The following EGR2 variants were observed in gnomAD, a reference collection of about 807,000 sequenced individuals.
The protein encoded by EGR2 is early growth response 2, also known as E3 SUMO-protein ligase EGR2.
In EGR2, 2 loss-of-function variants were observed where a neutral mutation model predicts 21.2. The observed-to-expected ratio is 0.09, with a 90% CI of 0.04 to 0.30. The LOEUF is 0.30. EGR2 is among the 10% of genes least tolerant of loss of function. EGR2 has a pLI of 1.00. For synonymous variants in EGR2, 282 were observed against 258.2 expected, an observed-to-expected ratio of 1.09 and a Z score of -0.88; for missense variants, 458 against 630.2, an observed-to-expected ratio of 0.73 and a Z score of 2.93.
rs1244572043 is a variant in EGR2, at chr10:62,812,509, G to C, written c.*698C>G. On this transcript the variant is annotated 3_prime_UTR_variant, in exon 2 of 2. Coordinates refer to ENST00000242480, the MANE Select transcript of EGR2 (RefSeq NM_000399.5). The stretch of plus-strand genomic sequence containing the variant: ...TACATCAAAAATACACAAAATCTGA[G>C]TGGATATACACTGAAAAAATAGCCT... The C allele has an allele frequency of 6.5e-6, 1 of 152,794 alleles. No homozygotes were observed. Among genetic ancestry groups the C allele is most frequent in the Non-Finnish European group, 1.5e-5 (1 of 68,048 alleles). 9.5% of individuals were successfully genotyped at this position (152,794 alleles called of 1,614,324 possible).
Position 62,813,685 on chromosome 10 carries a change from C to G in EGR2, c.953G>C (p.Arg318Pro), listed in dbSNP as rs775751575. 8 of 1,613,404 alleles carry G rather than the reference C, an allele frequency of 5.0e-6. No individual in the cohort carries two copies. Among genetic ancestry groups the G allele is most frequent in the Non-Finnish European group, 6.8e-6 (8 of 1,180,012 alleles). ...AAYNPHHLPL[R>P]PILRPRKYPN... ...GTACTTGCGAGGCCTCAGAATGGGC[C>G]GCAGTGGCAGGTGGTGTGGGTTATA... Residue 318 changes from arginine to proline, a missense_variant, in exon 2 of 2, where the codon CGG becomes CCG. By Grantham distance (103) the Arg-to-Pro change is moderately radical. This residue lies in a region of EGR2 where 253 missense variants were observed against 315.5 expected (regional missense o/e 0.80). Coordinates refer to ENST00000242480, the MANE Select transcript of EGR2 (RefSeq NM_000399.5). This position sits in a 1 kb window ranked among gnomAD's most constrained non-coding sequence, Gnocchi z 5.7.
chr10:62,818,868 G>A (rs944562582), upstream of EGR2, among the ~76,000 whole-genome samples: 1 of 152,084 alleles, frequency 6.6e-6, no homozygotes, highest in Non-Finnish European at 1.5e-5. Context: ...TGCCAAACCC[G>A]CCGGCGGTCG....
At position 62,814,437 on chromosome 10, in the gene EGR2, C is replaced by G; in HGVS notation, c.201G>C (p.Glu67Asp). 1.5e-5 allele frequency: 24 copies of G among 1,614,134 alleles called. No homozygotes were observed. The highest frequency in any genetic ancestry group is 2.0e-5 in the Non-Finnish European group (24 of 1,180,014). The change falls in exon 2 of 2, where the codon GAG (glutamate) becomes GAC (aspartate). Residue 67 changes from glutamate (E) to aspartate (D), a missense_variant. By Grantham distance (45) the Glu-to-Asp change is conservative. Coordinates refer to ENST00000242480, the MANE Select transcript of EGR2 (RefSeq NM_000399.5). The surrounding 1 kb of genome is among the most constrained non-coding windows in gnomAD (Gnocchi z 4.8). The part of the protein sequence containing the change: ...DGMINIDMTG[E>D]KRSLDLPYPS... ...GATATGGGAGATCCAACGACCTCTTCTCTCCAGTCATGTCAATGTTGATCA... is the reference window on the plus strand; with the variant it reads ...GATATGGGAGATCCAACGACCTCTTGTCTCCAGTCATGTCAATGTTGATCA...
At position 62,813,597 on chromosome 10, in the gene EGR2, G is replaced by A. The variant is rs1182754559; in HGVS notation, c.1041C>T (p.Cys347=). 2 of 1,612,686 alleles carry A rather than the reference G, an allele frequency of 1.2e-6. No individual in the cohort carries two copies. The highest frequency in any genetic ancestry group is 4.5e-5 in the East Asian group (2 of 44,886). Residue 347 remains cysteine, a synonymous_variant, in exon 2 of 2, where the codon TGC becomes TGT. Coordinates refer to ENST00000242480, the MANE Select transcript of EGR2 (RefSeq NM_000399.5). The surrounding 1 kb of genome is among the most constrained non-coding windows in gnomAD (Gnocchi z 5.7). ...ERPYPCPAEG[C]DRRFSRSDEL... The stretch of plus-strand genomic sequence containing the variant: ...CGTCAGAGCGGGAGAACCGCCGGTC[G>A]CAGCCTTCTGCTGGGCACGGGTAGG...
chr10:62,817,340 C>G (rs973501277), upstream of EGR2, among the ~76,000 whole-genome samples: 2 of 152,124 alleles, frequency 1.3e-5, no homozygotes, highest in African/African-American at 4.8e-5. The surrounding 1 kb of genome is among the most constrained non-coding windows in gnomAD (Gnocchi z 4.4). Context: ...GCTACACACT[C>G]CCGCCCCCGC....
chr10:62,813,199 G>A lies in EGR2; in HGVS notation c.*8C>T, dbSNP rs1842154120. 3 of 1,558,322 alleles carry A rather than the reference G, an allele frequency of 1.9e-6. No individual in the cohort carries two copies. The South Asian group carries it at 3.7e-5, about 19-fold the overall frequency. On this transcript the variant is annotated 3_prime_UTR_variant, in exon 2 of 2. Transcript: ENST00000242480. This position sits in a 1 kb window ranked among gnomAD's most constrained non-coding sequence, Gnocchi z 5.7. The stretch of plus-strand genomic sequence containing the variant: ...TTTGGGAGCTGGTGTATCAGCCTGA[G>A]TCTCATCTCAAGGTGTCCGGGTCCG...
Position 62,813,280 on chromosome 10 carries a change from A to G in EGR2, c.1358T>C (p.Leu453Pro), listed in dbSNP as rs1842157936. The change falls in exon 2 of 2, where the codon CTG becomes CCG. Residue 453 changes from leucine to proline, a missense_variant. Around this residue, in one of 5 missense-constraint regions of EGR2, gnomAD observed 69 missense variants for 70.4 expected, o/e 0.98. Coordinates refer to ENST00000242480, the MANE Select transcript of EGR2 (RefSeq NM_000399.5). The surrounding 1 kb of genome is among the most constrained non-coding windows in gnomAD (Gnocchi z 5.7). The part of the protein sequence containing the change: ...CSGGVQPGGT[L>P]CSSNSSSLGG... ...AAGACTGCTGCTGTTACTGCTGCAC[A>G]GGGTACCCCCAGGCTGCACGCCCCC... 4 of 1,569,584 alleles carry G rather than the reference A, an allele frequency of 2.5e-6. No homozygotes were observed. The East Asian group carries it at 9.0e-5, about 35-fold the overall frequency.
At chr10:62,817,304 C>T (rs1308018104), upstream of EGR2, among the ~76,000 whole-genome samples, 1 of 152,168 alleles carries the variant, frequency 6.6e-6, no homozygotes, top group Non-Finnish European at 1.5e-5. This position sits in a 1 kb window ranked among gnomAD's most constrained non-coding sequence, Gnocchi z 4.4. Flanking sequence ...CACACATACA[C>T]ACACACTCAC....
rs1060504688 is a variant in EGR2 at position 62,814,131 on chromosome 10, C to A, written c.507G>T (p.Pro169=). The part of the protein sequence containing the change: ...PDLDHLYSPP[P]PPPPYSGCAG... ...CACAGCCAGAATAAGGAGGAGGAGGCGGTGGCGGAGAGTACAGGTGGTCCA... is the reference window on the plus strand; with the variant it reads ...CACAGCCAGAATAAGGAGGAGGAGGAGGTGGCGGAGAGTACAGGTGGTCCA... Residue 169 remains proline (P), a synonymous_variant, in exon 2 of 2, where the codon CCG becomes CCT. Coordinates refer to ENST00000242480, the MANE Select transcript of EGR2 (RefSeq NM_000399.5). The surrounding 1 kb of genome is among the most constrained non-coding windows in gnomAD (Gnocchi z 4.8). 6.2e-7 allele frequency: 1 copy of A among 1,613,694 alleles called. No individual in the cohort carries two copies. Among genetic ancestry groups the A allele is most frequent in the Non-Finnish European group, 8.5e-7 (1 of 1,179,788 alleles).
Position 62,814,601 on chromosome 10 carries a change from A to C in EGR2, c.170-133T>G. The C allele has an allele frequency of 1.1e-6, 1 of 903,622 alleles. No individual in the cohort carries two copies. The highest frequency in any genetic ancestry group is 1.8e-6 in the Non-Finnish European group (1 of 565,728). 56.0% of individuals were successfully genotyped at this position (903,622 alleles called of 1,614,324 possible). A position where few individuals can be genotyped will look rare whatever the true frequency, so the allele number is the denominator to read the frequency against. ...CTGTAGAGCTGTGGCAAAGTCCAAA[A>C]GGTGGGGAAATTGAGGCCCACAGAC... is the stretch of plus-strand genomic sequence containing the variant. On this transcript the variant is annotated intron_variant, in intron 1 of 1. Coordinates refer to ENST00000242480, the MANE Select transcript of EGR2 (RefSeq NM_000399.5). This position sits in a 1 kb window ranked among gnomAD's most constrained non-coding sequence, Gnocchi z 4.8.
chr10:62,813,795 G>C lies in EGR2; in HGVS notation c.843C>G (p.Thr281=), dbSNP rs375890313. The C allele has an allele frequency of 4.3e-6, 7 of 1,613,224 alleles. No individual in the cohort carries two copies. In the East Asian group the frequency reaches 1.3e-4, roughly 31 times the overall value. ...CGCTGCCTCCACTGGCCCCTGGTCCGGTCACCCCAGCACTGGGGCCCCCCA... is the reference window on the plus strand; with the variant it reads ...CGCTGCCTCCACTGGCCCCTGGTCCCGTCACCCCAGCACTGGGGCCCCCCA... ...FTLGGPSAGV[T]GPGASGGSEG... Residue 281 remains threonine (T), a synonymous_variant, in exon 2 of 2, where the codon ACC becomes ACG. Coordinates refer to ENST00000242480, the MANE Select transcript of EGR2 (RefSeq NM_000399.5). This position sits in a 1 kb window ranked among gnomAD's most constrained non-coding sequence, Gnocchi z 5.7.
Position 62,814,221 on chromosome 10 carries a change from G to C in EGR2, c.417C>G (p.Ala139=). 3 of 1,614,158 alleles carry C rather than the reference G, an allele frequency of 1.9e-6. No individual in the cohort carries two copies. Among genetic ancestry groups the C allele is most frequent in the Non-Finnish European group, 2.5e-6 (3 of 1,180,012 alleles). ...STTASSSVTS[A]SPNPLATGPL... ...GTCCTGTGGCCAGTGGGTTGGGGGA[G>C]GCAGAGGTGACGCTGGATGAGGCTG... Residue 139 remains alanine, a synonymous_variant, in exon 2 of 2, where the codon GCC becomes GCG. Coordinates refer to ENST00000242480, the MANE Select transcript of EGR2 (RefSeq NM_000399.5). The surrounding 1 kb of genome is among the most constrained non-coding windows in gnomAD (Gnocchi z 4.8).
upstream of EGR2, chr10:62,816,510 C>T: frequency 4.9e-6 from 2 of 411,410 alleles, no homozygotes; most frequent in Non-Finnish European, 6.8e-6. Flanking sequence ...CTCGGCCGCG[C>T]GGACTCCGCC....
At chr10:62,815,003 C>G (rs961583506) in intron 1 of EGR2, among the ~76,000 whole-genome samples, 2 of 152,248 alleles carry the variant, frequency 1.3e-5, no homozygotes, top group Admixed American at 6.5e-5. Context: ...CTCCCTCTCC[C>G]GCTGCGCTTC....
rs1396525206 is a variant in EGR2 at position 62,812,431 on chromosome 10, G to A, written c.*776C>T. ...CCCCCTTAAATAAGTTAACCTCTGA[G>A]ATCATAAATGCTTTACATTTTTTCC... On this transcript the variant is annotated 3_prime_UTR_variant, in exon 2 of 2. Transcript: ENST00000242480. 4 of 152,724 alleles carry A rather than the reference G, an allele frequency of 2.6e-5. No homozygotes were observed. The highest frequency in any genetic ancestry group is 4.4e-5 in the Non-Finnish European group (3 of 68,034). The allele number at this position is 152,724 out of a possible 1,614,324, so 9.5% of individuals were successfully genotyped here.
At position 62,814,430 on chromosome 10, in the gene EGR2, A is replaced by G. The variant is rs1287519775; in HGVS notation, c.208T>C (p.Ser70Pro). The change falls in exon 2 of 2, where the codon TCG becomes CCG. Residue 70 changes from serine to proline, a missense_variant. Ser to Pro is a moderately conservative substitution (Grantham distance 74). This residue lies in a region of EGR2 where 91 missense variants were observed against 105.2 expected (regional missense o/e 0.87). Coordinates refer to ENST00000242480, the MANE Select transcript of EGR2 (RefSeq NM_000399.5). This position sits in a 1 kb window ranked among gnomAD's most constrained non-coding sequence, Gnocchi z 4.8. ...INIDMTGEKR[S>P]LDLPYPSSFA... ...CTGCTGGGATATGGGAGATCCAACG[A>G]CCTCTTCTCTCCAGTCATGTCAATG... 1 of 1,613,844 alleles carries G rather than the reference A, an allele frequency of 6.2e-7. No individual in the cohort carries two copies. Among genetic ancestry groups the G allele is most frequent in the South Asian group, 1.1e-5 (1 of 91,070 alleles).
upstream of EGR2, chr10:62,818,510 G>T: frequency 8.6e-7 from 1 of 1,161,714 alleles, no homozygotes; most frequent in Non-Finnish European, 1.1e-6. Context: ...AGAAAGAAAA[G>T]AAAAGCAAGA....
rs1842257415 is a variant in EGR2, at chr10:62,815,949, C to T, written c.81G>A (p.Pro27=). The T allele has an allele frequency of 6.2e-7, 1 of 1,614,202 alleles. No homozygotes were observed. Among genetic ancestry groups the T allele is most frequent in the South Asian group, 1.1e-5 (1 of 91,078 alleles). Residue 27 remains proline (P), a synonymous_variant, in exon 1 of 2, where the codon CCG becomes CCA. Transcript: ENST00000242480. ...FVHQLSDNIY[P]VEDLAATSVT... ...CCGACGTGGCGGCGAGGTCCTCCAC[C>T]GGGTAGATGTTGTCAGACAGCTGGT...
Position 62,816,358 on chromosome 10 carries a change from C to G in EGR2, c.-329G>C. 1 of 1,234,792 alleles carries G rather than the reference C, an allele frequency of 8.1e-7. No homozygotes were observed. Among genetic ancestry groups the G allele is most frequent in the Non-Finnish European group, 1.0e-6 (1 of 973,550 alleles). The allele number at this position is 1,234,792 out of a possible 1,614,324, so 76.5% of individuals were successfully genotyped here. On this transcript the variant is annotated 5_prime_UTR_variant, in exon 1 of 2. Transcript: ENST00000242480. The stretch of plus-strand genomic sequence containing the variant: ...GCCGAGCTATTAATCAATTGCTCCT[C>G]GCTCAGTTAGACGGAAAGTGTTGCT...
Sources: allele counts gnomAD v4.1 joint callset (sites outside exome capture counted in the v4.1 genomes callset), GRCh38; gene constraint gnomAD v4.1.1; regional missense constraint gnomAD v4.1.1; non-coding constraint Gnocchi (gnomAD v3.1); transcripts MANE v1.5; gene names NCBI Gene and HGNC (gene_info 2026-07-23, HGNC 2026-07-21).